Variants in FGD4 observed in about 807,000 individuals in gnomAD.
FGD4 encodes the protein FYVE, RhoGEF and PH domain-containing protein 4.
FGD4 carries 42 observed loss-of-function variants against 102.0 expected under a neutral mutation model. That is an observed-to-expected ratio of 0.41 (90% CI 0.32 to 0.53). FGD4 has a LOEUF of 0.53. FGD4 is among the 20% of genes least tolerant of loss of function. The pLI, the probability that FGD4 is intolerant of heterozygous loss-of-function variation, is 0.21. For synonymous variants in FGD4, 380 were observed against 375.7 expected, an observed-to-expected ratio of 1.01 and a Z score of -0.13; for missense variants, 902 against 1,078.2, an observed-to-expected ratio of 0.84 and a Z score of 2.29.
At chr12:32,623,990 C>A (rs1317961854) in intron 11 of FGD4, among the ~76,000 whole-genome samples, 3 of 152,084 alleles carry the variant, frequency 2.0e-5, no homozygotes, top group Non-Finnish European at 2.9e-5. Flanking sequence ...CTCCCTAAGG[C>A]TTTAGGGAGA....
intron 2 of FGD4, among the ~76,000 whole-genome samples, chr12:32,571,887 G>A (rs1945699565): frequency 6.6e-6 from 1 of 152,112 alleles, no homozygotes; most frequent in Non-Finnish European, 1.5e-5. Flanking sequence ...CAGTAAGAAA[G>A]TTCCCAAGAA....
At chr12:32,455,107 A>G (rs565721514) in intron 1 of FGD4, among the ~76,000 whole-genome samples, 1 of 152,298 alleles carries the variant, frequency 6.6e-6, no homozygotes, top group Admixed American at 6.5e-5. Context: ...AGAAGAAACG[A>G]GGAAGATTGC....
chr12:32,421,619 T>A (rs1941629440), intron 1 of FGD4, among the ~76,000 whole-genome samples: 1 of 152,222 alleles, frequency 6.6e-6, no homozygotes, highest in African/African-American at 2.4e-5. Flanking sequence ...TCTTCCTCTT[T>A]CTTTGCTCAT....
At chr12:32,468,408 G>A (rs1475437929) in intron 1 of FGD4, among the ~76,000 whole-genome samples, 1 of 152,120 alleles carries the variant, frequency 6.6e-6, no homozygotes, top group East Asian at 1.9e-4. Context: ...AGCTCATGTA[G>A]CAGCTTATGA....
chr12:32,588,447 CTGT>C (rs1277746281), intron 4 of FGD4, among the ~76,000 whole-genome samples: 2 of 151,886 alleles, frequency 1.3e-5, no homozygotes, highest in Non-Finnish European at 2.9e-5. Flanking sequence ...TGTGAATTCA[CTGT>C]TGTTAGCAGA....
At chr12:32,631,555 A>G (rs1352372146) in intron 14 of FGD4, among the ~76,000 whole-genome samples, 6 of 130,742 alleles carry the variant, frequency 4.6e-5, no homozygotes, top group Admixed American at 9.1e-5. Flanking sequence ...CCCGGGCTGG[A>G]GTGCACTGGC....
chr12:32,523,162 A>C (rs1228539634), intron 1 of FGD4, among the ~76,000 whole-genome samples: 1 of 152,228 alleles, frequency 6.6e-6, no homozygotes, highest in African/African-American at 2.4e-5. Context: ...GAATAGTACA[A>C]GCAGTGGAGT....
In FGD4 at chr12:32,588,065, A is replaced by G. The variant is rs936533798; in HGVS notation, c.1011+5598A>G. Among the ~76,000 whole-genome samples the G allele has an allele frequency of 3.3e-5, 5 of 152,186 alleles. No individual in the cohort carries two copies. In the East Asian group the frequency reaches 9.6e-4, roughly 29 times the overall value. On this transcript the variant is annotated intron_variant, in intron 4 of 16. Coordinates refer to ENST00000534526, the MANE Select transcript of FGD4 (RefSeq NM_001370298.3). ...TCCAAGAGGAGAAAGAAGAGAGAAC[A>G]GTGTTTTGGAACCACAGGGATGGAG...
chr12:32,625,590 AAAT>A, intron 13 of FGD4, 61 bp from the exon 14 acceptor site: 1 of 1,556,776 alleles, frequency 6.4e-7, no homozygotes, highest in South Asian at 1.2e-5. Flanking sequence ...TTCTTTCAAA[AAAT>A]AATAATAAAA....
chr12:32,419,210 G>A (rs1346716917), intron 1 of FGD4, among the ~76,000 whole-genome samples: 4 of 152,152 alleles, frequency 2.6e-5, no homozygotes, highest in Non-Finnish European at 4.4e-5. Context: ...AATACCTGAG[G>A]TGCAAGACAG....
chr12:32,529,505 G>T (rs1223859491), intron 1 of FGD4, among the ~76,000 whole-genome samples: 1 of 151,966 alleles, frequency 6.6e-6, no homozygotes, highest in Non-Finnish European at 1.5e-5. Context: ...TAATTTTCCT[G>T]TTACTTTTTT....
Position 32,399,858 on chromosome 12 carries a change from A to G in FGD4, c.65A>G (p.Tyr22Cys). The change falls in exon 1 of 17, where the codon TAC becomes TGC. Residue 22 changes from tyrosine to cysteine, a missense_variant. Tyr to Cys is a radical substitution (Grantham distance 194, BLOSUM62 -2). Coordinates refer to ENST00000534526, the MANE Select transcript of FGD4 (RefSeq NM_001370298.3). ...VAIRRKSNPS[Y>C]LPPGVPRPWS... ...ATCCGGCGGAAGTCCAACCCCTCCT[A>G]CCTGCCGCCCGGGGTGCCCCGGCCC... 2 of 1,531,050 alleles carry G rather than the reference A, an allele frequency of 1.3e-6. No individual in the cohort carries two copies. The highest frequency in any genetic ancestry group is 1.7e-6 in the Non-Finnish European group (2 of 1,145,152). 94.8% of individuals were successfully genotyped at this position (1,531,050 alleles called of 1,614,324 possible). A position where few individuals can be genotyped will look rare whatever the true frequency, so the allele number is the denominator to read the frequency against.
At position 32,616,873 on chromosome 12, in the gene FGD4, G is replaced by C. The variant is rs79406308; in HGVS notation, c.1750-2825G>C. ...AGACTGGCTAATTTATAAAGAACAG[G>C]GGTTTATTTTCTGCAGTTCTGGAGG... On this transcript the variant is annotated intron_variant, in intron 10 of 16. Coordinates refer to ENST00000534526, the MANE Select transcript of FGD4 (RefSeq NM_001370298.3). 6.0e-3 allele frequency among the ~76,000 whole-genome samples: 908 copies of C among 152,278 alleles called. 8 individuals are homozygous for C. The highest frequency in any genetic ancestry group is 0.021 in the African/African-American group (862 of 41,536).
chr12:32,612,892 C>T (rs983147462), intron 10 of FGD4, among the ~76,000 whole-genome samples: 4 of 152,152 alleles, frequency 2.6e-5, no homozygotes, highest in African/African-American at 9.7e-5. Flanking sequence ...AATATAAGAG[C>T]ACTTCCTGGG....
intron 15 of FGD4, among the ~76,000 whole-genome samples, chr12:32,636,286 C>G (rs1855122122): frequency 2.0e-5 from 3 of 152,102 alleles, no homozygotes; most frequent in African/African-American, 7.2e-5. Context: ...GCCTATAATC[C>G]TAGCACCAAG....
intron 4 of FGD4, among the ~76,000 whole-genome samples, chr12:32,593,521 C>CAG (rs1947646674): frequency 6.6e-6 from 1 of 152,158 alleles, no homozygotes; most frequent in Admixed American, 6.6e-5. Flanking sequence ...TGCTGGCATC[C>CAG]CCCTTGGATT....
intron 4 of FGD4, among the ~76,000 whole-genome samples, chr12:32,595,957 G>C (rs1019422786): frequency 1.3e-5 from 2 of 152,232 alleles, no homozygotes; most frequent in Admixed American, 1.3e-4. Context: ...TGTGTAAAGT[G>C]TAAAGCATGA....
chr12:32,561,094 T>TTTTTTTTTTTTTTTTTTTTTTG (rs1944539199), intron 1 of FGD4, among the ~76,000 whole-genome samples: 1 of 128,860 alleles, frequency 7.8e-6, no homozygotes, highest in Non-Finnish European at 1.7e-5. Flanking sequence ...TTTTTTTTTT[T>TTTTTTTTTTTTTTTTTTTTTTG]TTTTTTTGAG....
At chr12:32,563,207 G>T (rs557735724) in intron 1 of FGD4, among the ~76,000 whole-genome samples, 1 of 152,002 alleles carries the variant, frequency 6.6e-6, no homozygotes, top group Non-Finnish European at 1.5e-5. Context: ...TCCCAGAGGG[G>T]GTGGCTGCCG....
Sources: allele counts gnomAD v4.1 joint callset (sites outside exome capture counted in the v4.1 genomes callset), GRCh38; gene constraint gnomAD v4.1.1; transcripts MANE v1.5; gene names NCBI Gene and HGNC (gene_info 2026-07-23, HGNC 2026-07-21).